NAV3: variants seen among roughly 807,000 people sequenced by gnomAD.
NAV3 encodes the protein pore membrane and/or filament interacting like protein 1.
A neutral mutation model predicts 244.7 loss-of-function variants in NAV3; 87 were observed. That is an observed-to-expected ratio of 0.36 (90% CI 0.30 to 0.42). The LOEUF (loss-of-function observed/expected upper bound fraction) is 0.42. NAV3 is among the 20% of genes least tolerant of loss of function. The probability of loss-of-function intolerance (pLI) is 1.00; values close to 1 mark genes in which losing one functional copy is unlikely to be tolerated. For missense variants in NAV3, 2,663 were observed against 2,893.3 expected (o/e 0.92, Z 1.83); for synonymous variants, 1,126 against 1,042.2 (o/e 1.08, Z -1.55).
intron 12 of NAV3, among the ~76,000 whole-genome samples, chr12:78,112,281 T>A (rs1430008377): frequency 2.0e-5 from 3 of 152,224 alleles, no homozygotes; most frequent in Non-Finnish European, 4.4e-5. Flanking sequence ...TGATAGATAG[T>A]CCCTGTGCTG....
At chr12:78,014,169 C>A (rs1488390674) in intron 8 of NAV3, among the ~76,000 whole-genome samples, 1 of 152,002 alleles carries the variant, frequency 6.6e-6, no homozygotes. Context: ...AAACCTGTCT[C>A]TTTAGAAGCC....
chr12:77,638,094 A>G (rs544363466), intron 2 of NAV3, among the ~76,000 whole-genome samples: 2 of 152,314 alleles, frequency 1.3e-5, no homozygotes, highest in African/African-American at 4.8e-5. Context: ...TTTCTTTAGC[A>G]ATTGATCATT....
At chr12:78,089,690 G>T (rs1212903144) in intron 12 of NAV3, among the ~76,000 whole-genome samples, 2 of 152,122 alleles carry the variant, frequency 1.3e-5, no homozygotes, top group Non-Finnish European at 2.9e-5. Flanking sequence ...GATACTAGTT[G>T]ATTCCCCTCT....
chr12:77,809,343 C>G (rs1565822293), intron 2 of NAV3, among the ~76,000 whole-genome samples: 1 of 152,186 alleles, frequency 6.6e-6, no homozygotes, highest in Non-Finnish European at 1.5e-5. Flanking sequence ...TTGCAAAGAC[C>G]ATGGGAAAAG....
At chr12:77,995,378 G>A (rs1872185846) in intron 6 of NAV3, among the ~76,000 whole-genome samples, 1 of 152,146 alleles carries the variant, frequency 6.6e-6, no homozygotes, top group South Asian at 2.1e-4. Context: ...AATAAAGACA[G>A]CCTGTTATAG....
chr12:77,612,475 C>T (rs192801166), intron 2 of NAV3, among the ~76,000 whole-genome samples: 34 of 152,150 alleles, frequency 2.2e-4, no homozygotes, highest in Admixed American at 7.2e-4. Context: ...TTAGTGTTTC[C>T]TTACACACCC....
At chr12:77,698,846 C>T (rs190793215) in intron 2 of NAV3, among the ~76,000 whole-genome samples, 16 of 152,188 alleles carry the variant, frequency 1.1e-4, no homozygotes, top group African/African-American at 3.9e-4. Context: ...AATGATTCAC[C>T]TATCCATCAA....
chr12:78,128,715 A>G lies in NAV3; in HGVS notation c.4290A>G (p.Pro1430=), dbSNP rs1956032830. 2 of 1,613,778 alleles carry G rather than the reference A, an allele frequency of 1.2e-6. No homozygotes were observed. Among genetic ancestry groups the G allele is most frequent in the Non-Finnish European group, 1.7e-6 (2 of 1,179,860 alleles). Residue 1430 remains proline, a synonymous_variant, in exon 18 of 40, where the codon CCA becomes CCG. Transcript: ENST00000397909. The stretch of plus-strand genomic sequence containing the variant: ...CTGTGCTGTTTTGCAGATATACCCC[A>G]TCATCTCGGCAGGCCAACCAAGAAG... ...TLPKKGLRYT[P]SSRQANQEEG... is the part of the protein sequence containing the mutation.
chr12:77,580,529 T>C (rs1429879319), intron 2 of NAV3, among the ~76,000 whole-genome samples: 1 of 152,240 alleles, frequency 6.6e-6, no homozygotes, highest in Non-Finnish European at 1.5e-5. Context: ...GAAGTCTATG[T>C]TCAAAGACTT....
intron 2 of NAV3, among the ~76,000 whole-genome samples, chr12:77,745,008 G>A (rs1358290594): frequency 6.6e-6 from 1 of 151,844 alleles, no homozygotes. Flanking sequence ...ATTTCAAAGG[G>A]TAAGCCATCA....
At chr12:77,795,493 AAAC>A (rs1871364356) in intron 2 of NAV3, among the ~76,000 whole-genome samples, 1 of 152,160 alleles carries the variant, frequency 6.6e-6, no homozygotes, top group Non-Finnish European at 1.5e-5. Context: ...TGGCTACACT[AAAC>A]AACAGACTTT....
At chr12:78,039,400 A>T (rs770118) in intron 9 of NAV3, among the ~76,000 whole-genome samples, 9,529 of 152,178 alleles carry the variant, frequency 0.063, 362 homozygotes, top group Non-Finnish European at 0.088. Flanking sequence ...ATAGGAGCAC[A>T]TTTTAAAAGT....
intron 1 of NAV3, among the ~76,000 whole-genome samples, chr12:77,920,996 G>A (rs1253660034): frequency 6.6e-6 from 1 of 151,974 alleles, no homozygotes; most frequent in Non-Finnish European, 1.5e-5. Context: ...TGTGTTTGAA[G>A]ATTTGGATTT....
chr12:77,889,729 T>C (rs1883714574), intron 1 of NAV3, among the ~76,000 whole-genome samples: 1 of 152,176 alleles, frequency 6.6e-6, no homozygotes, highest in South Asian at 2.1e-4. Context: ...AATTAATTAA[T>C]AACTTTAGGT....
intron 2 of NAV3, among the ~76,000 whole-genome samples, chr12:77,656,871 C>A (rs1207134683): frequency 6.6e-6 from 1 of 151,900 alleles, no homozygotes; most frequent in Non-Finnish European, 1.5e-5. Flanking sequence ...GGGTACATAA[C>A]AAAATGAAGG....
chr12:78,173,140 T>C (rs1263093818), intron 24 of NAV3, among the ~76,000 whole-genome samples: 1 of 151,658 alleles, frequency 6.6e-6, no homozygotes, highest in Non-Finnish European at 1.5e-5. Flanking sequence ...AGCCATTCTT[T>C]ACTGAACTTT....
intron 10 of NAV3, 39 bp from the exon 11 acceptor site, chr12:78,050,725 T>A (rs2137242186): frequency 6.5e-7 from 1 of 1,545,064 alleles, no homozygotes; most frequent in South Asian, 1.2e-5. Flanking sequence ...TGGCCCTAAG[T>A]GAACCAGAGT....
At chr12:77,695,130 T>G (rs756578780) in intron 2 of NAV3, among the ~76,000 whole-genome samples, 7 of 152,214 alleles carry the variant, frequency 4.6e-5, no homozygotes, top group Non-Finnish European at 8.8e-5. Flanking sequence ...GATTATATCC[T>G]TTGCTGTGCA....
rs151059475 is a variant in NAV3, at chr12:77,763,930, A to G, written c.73-176389A>G. 2.9e-3 allele frequency among the ~76,000 whole-genome samples: 448 copies of G among 152,306 alleles called. 2 individuals are homozygous for G. Among genetic ancestry groups the G allele is most frequent in the Non-Finnish European group, 4.8e-3 (324 of 68,024 alleles). On this transcript the variant is annotated intron_variant, in intron 2 of 8. Transcript: ENST00000550042. ...CAGCTATCAGAGAGGGACAGTGAAT[A>G]TATCAAGTAAGGCACTCAAAGCATG...
Sources: gnomAD v4.1 joint callset for allele counts (sites outside exome capture counted in the v4.1 genomes callset) on GRCh38, gnomAD v4.1.1 for gene constraint, MANE v1.5 for transcripts, NCBI Gene and HGNC (gene_info 2026-07-23, HGNC 2026-07-21) for gene names.